The following HHAT variants were observed in gnomAD, a reference collection of about 807,000 sequenced individuals.
The protein encoded by HHAT is hedgehog acyltransferase.
HHAT carries 47 observed loss-of-function variants against 70.8 expected under a neutral mutation model. The ratio of observed to expected loss-of-function variants is 0.66; its 90% confidence interval spans 0.53 to 0.85. The LOEUF (loss-of-function observed/expected upper bound fraction) is 0.85, where lower values mean the gene tolerates loss of function less well. HHAT is among the 40% of genes least tolerant of loss of function. The probability of loss-of-function intolerance (pLI) is 0.00; values close to 1 mark genes in which losing one functional copy is unlikely to be tolerated. For missense variants in HHAT, 609 were observed against 604.8 expected (o/e 1.01, Z -0.07); for synonymous variants, 228 against 247.6 (o/e 0.92, Z 0.74).
At chr1:210,472,827 G>A (rs551709308) in intron 8 of HHAT, among the ~76,000 whole-genome samples, 1 of 152,310 alleles carries the variant, frequency 6.6e-6, no homozygotes, top group Admixed American at 6.5e-5. Context: ...ACAACTTGAA[G>A]TGGGGGCTTA....
chr1:210,483,065 C>A (rs903283516), intron 8 of HHAT, among the ~76,000 whole-genome samples: 1 of 152,142 alleles, frequency 6.6e-6, no homozygotes. Context: ...TCCACACTGT[C>A]TGACATGAAT....
chr1:210,363,493 T>C (rs1255522460), intron 3 of HHAT, among the ~76,000 whole-genome samples: 1 of 152,072 alleles, frequency 6.6e-6, no homozygotes, highest in Non-Finnish European at 1.5e-5. Context: ...TGTGCTAGAG[T>C]ATATATTCTG....
intron 6 of HHAT, among the ~76,000 whole-genome samples, chr1:210,416,879 T>C (rs1020168856): frequency 2.0e-5 from 3 of 152,208 alleles, no homozygotes; most frequent in African/African-American, 4.8e-5. Context: ...TACTTCATCA[T>C]ATTTAATCAC....
At chr1:210,399,381 C>T (rs550452921) in intron 4 of HHAT, among the ~76,000 whole-genome samples, 20 of 152,198 alleles carry the variant, frequency 1.3e-4, no homozygotes, top group East Asian at 5.8e-4. Flanking sequence ...CTCAGCCTCC[C>T]GGGTAGTTGG....
At chr1:210,658,185 C>T (rs774655006) in intron 11 of HHAT, among the ~76,000 whole-genome samples, 5 of 152,108 alleles carry the variant, frequency 3.3e-5, no homozygotes, top group Non-Finnish European at 5.9e-5. Flanking sequence ...CCTTATGTTC[C>T]GGCCCACATG....
chr1:210,346,016 A>G (rs574062872), intron 1 of HHAT, among the ~76,000 whole-genome samples: 12 of 151,930 alleles, frequency 7.9e-5, no homozygotes, highest in African/African-American at 2.9e-4. Context: ...GCGAGCTGAG[A>G]TCATGCCACT....
chr1:210,443,126 C>G (rs1458634443), intron 7 of HHAT, among the ~76,000 whole-genome samples: 1 of 151,496 alleles, frequency 6.6e-6, no homozygotes, highest in Non-Finnish European at 1.5e-5. Flanking sequence ...GCTTGTTTTT[C>G]TCAGGTTTGT....
intron 10 of HHAT, among the ~76,000 whole-genome samples, chr1:210,617,020 T>C (rs186240116): frequency 1.3e-5 from 2 of 152,298 alleles, no homozygotes; most frequent in East Asian, 3.9e-4. Flanking sequence ...GTGAATTAGG[T>C]AAATGAAGAG....
chr1:210,655,720 G>C (rs1676249356), intron 11 of HHAT, among the ~76,000 whole-genome samples: 1 of 152,194 alleles, frequency 6.6e-6, no homozygotes, highest in African/African-American at 2.4e-5. Context: ...ATATCCTCAT[G>C]AGTACGTCAT....
chr1:210,450,819 T>TG (rs778108663), intron 7 of HHAT, among the ~76,000 whole-genome samples: 101 of 152,100 alleles, frequency 6.6e-4, no homozygotes, highest in Non-Finnish European at 1.2e-3. Flanking sequence ...TCCTACACTA[T>TG]GGGATAGGGT....
intron 8 of HHAT, among the ~76,000 whole-genome samples, chr1:210,473,596 C>G (rs1436217751): frequency 6.6e-6 from 1 of 152,148 alleles, no homozygotes; most frequent in African/African-American, 2.4e-5. Flanking sequence ...CCTTGTGTTA[C>G]AAAGAGCAAT....
At chr1:210,360,375 ATCTAGG>A (rs1227128115) in intron 2 of HHAT, among the ~76,000 whole-genome samples, 2 of 150,348 alleles carry the variant, frequency 1.3e-5, no homozygotes, top group Non-Finnish European at 2.9e-5. Context: ...CAATGGTATG[ATCTAGG>A]CTCACCACAA....
At chr1:210,519,960 T>C (rs767712733) in intron 9 of HHAT, among the ~76,000 whole-genome samples, 4 of 152,132 alleles carry the variant, frequency 2.6e-5, no homozygotes, top group Non-Finnish European at 5.9e-5. Flanking sequence ...GTTGGCCATT[T>C]GTATATCTTC....
intron 9 of HHAT, among the ~76,000 whole-genome samples, chr1:210,586,901 A>G (rs777071867): frequency 1.2e-4 from 18 of 152,224 alleles, no homozygotes; most frequent in Non-Finnish European, 2.2e-4. Context: ...TGTCTCAGCA[A>G]TGGAGAACAT....
chr1:210,394,873 A>G (rs1355783673), intron 4 of HHAT, among the ~76,000 whole-genome samples: 1 of 152,168 alleles, frequency 6.6e-6, no homozygotes, highest in African/African-American at 2.4e-5. Flanking sequence ...GTGCATGTCT[A>G]AGGAGGGATG....
At chr1:210,513,490 T>A (rs1248720240) in intron 9 of HHAT, among the ~76,000 whole-genome samples, 1 of 152,228 alleles carries the variant, frequency 6.6e-6, no homozygotes, top group Non-Finnish European at 1.5e-5. Flanking sequence ...TGCCAGCTTG[T>A]ATTCAGACGT....
chr1:210,585,735 C>A (rs912128762), intron 9 of HHAT, among the ~76,000 whole-genome samples: 4 of 152,078 alleles, frequency 2.6e-5, no homozygotes, highest in African/African-American at 9.7e-5. Flanking sequence ...AGGCTTAATT[C>A]TGAATACAGC....
At chr1:210,627,231 G>A (rs1157995689) in intron 11 of HHAT, among the ~76,000 whole-genome samples, 1 of 152,126 alleles carries the variant, frequency 6.6e-6, no homozygotes, top group Non-Finnish European at 1.5e-5. Flanking sequence ...GGATTATTGA[G>A]GAGATTTGCA....
chr1:210,647,645 C>A (rs770096486), intron 11 of HHAT, among the ~76,000 whole-genome samples: 39 of 152,088 alleles, frequency 2.6e-4, no homozygotes, highest in Non-Finnish European at 5.4e-4. Flanking sequence ...GGAGTTAGAA[C>A]CTTACCAGAG....
Sources: allele counts gnomAD v4.1 joint callset (sites outside exome capture counted in the v4.1 genomes callset), GRCh38; gene constraint gnomAD v4.1.1; transcripts MANE v1.5; gene names NCBI Gene and HGNC (gene_info 2026-07-23, HGNC 2026-07-21).